The following EXOC4 variants were observed in gnomAD, a reference collection of about 807,000 sequenced individuals.
EXOC4 encodes SEC8-like 1.
EXOC4 carries 71 observed loss-of-function variants against 107.2 expected under a neutral mutation model. The ratio of observed to expected loss-of-function variants is 0.66; its 90% CI spans 0.55 to 0.81. The LOEUF (loss-of-function observed/expected upper bound fraction) is 0.81. Ranked by LOEUF, EXOC4 falls within the 30% of genes least tolerant of loss-of-function variation. The probability of loss-of-function intolerance (pLI) is 0.00; values close to 1 mark genes in which losing one functional copy is unlikely to be tolerated. For synonymous variants in EXOC4, 456 were observed against 441.2 expected, an observed-to-expected ratio of 1.03 and a Z score of -0.42; for missense variants, 1,108 against 1,189.6, an observed-to-expected ratio of 0.93 and a Z score of 1.01.
Position 134,064,561 on chromosome 7 carries a change from C to T in EXOC4, c.*33C>T, listed in dbSNP as rs761779248. 2.1e-6 allele frequency: 3 copies of T among 1,401,304 alleles called. No homozygotes were observed. The highest frequency in any genetic ancestry group is 2.9e-6 in the Non-Finnish European group (3 of 1,027,362). The allele number at this position is 1,401,304 out of a possible 1,614,324, so 86.8% of individuals were successfully genotyped here. On this transcript the variant is annotated 3_prime_UTR_variant, in exon 18 of 18. Transcript: ENST00000253861. ...TACTGCGGTTGGTGACGGGGGTCCC[C>T]TCAGTCACACTCACTTTTTTCCTTG...
chr7:133,884,125 CTTG>C (rs1402140709), intron 11 of EXOC4, among the ~76,000 whole-genome samples: 2 of 152,204 alleles, frequency 1.3e-5, no homozygotes, highest in African/African-American at 2.4e-5. Flanking sequence ...ACGATTGCTT[CTTG>C]TTGTGCCAAA....
At chr7:133,964,080 G>A (rs1334599100) in intron 14 of EXOC4, among the ~76,000 whole-genome samples, 1 of 152,056 alleles carries the variant, frequency 6.6e-6, no homozygotes, top group South Asian at 2.1e-4. Flanking sequence ...ATTAAAATCT[G>A]CAAAGCTAGT....
Position 133,403,169 on chromosome 7 carries a change from C to T in EXOC4, c.1182+28167C>T, listed in dbSNP as rs573650115. ...AAGTGCTGGGATTGCAGGCGTGAGC[C>T]ATCGTGCCCGGCTGCAAGATCCTAA... On this transcript the variant is annotated intron_variant, in intron 7 of 17. Coordinates refer to ENST00000253861, the MANE Select transcript of EXOC4 (RefSeq NM_021807.4). 7.9e-5 allele frequency among the ~76,000 whole-genome samples: 12 copies of T among 152,332 alleles called. No individual in the cohort carries two copies. The East Asian group carries it at 1.7e-3, about 22-fold the overall frequency.
intron 9 of EXOC4, among the ~76,000 whole-genome samples, chr7:133,537,471 A>T (rs1439334410): frequency 6.6e-6 from 1 of 152,036 alleles, no homozygotes; most frequent in Non-Finnish European, 1.5e-5. Flanking sequence ...ATTTCATACT[A>T]TATAGTTATC....
chr7:134,095,163 T>C, the EXOC4 span, among the ~76,000 whole-genome samples: 2 of 151,852 alleles, frequency 1.3e-5, no homozygotes, highest in African/African-American at 4.8e-5. Flanking sequence ...ACACCAACAA[T>C]ATTCAAGCTG....
intron 7 of EXOC4, among the ~76,000 whole-genome samples, chr7:133,415,257 G>A (rs1448982508): frequency 2.0e-5 from 3 of 152,158 alleles, no homozygotes; most frequent in African/African-American, 7.2e-5. Context: ...AAGTTTTTGT[G>A]TAGACATGTG....
chr7:133,385,422 T>C (rs1796706962), intron 7 of EXOC4, among the ~76,000 whole-genome samples: 1 of 152,234 alleles, frequency 6.6e-6, no homozygotes, highest in Non-Finnish European at 1.5e-5. Flanking sequence ...CATTGTCTAC[T>C]GCTCTTAATT....
chr7:133,825,724 C>T (rs1171898472), intron 11 of EXOC4, among the ~76,000 whole-genome samples: 1 of 152,112 alleles, frequency 6.6e-6, no homozygotes, highest in Non-Finnish European at 1.5e-5. Flanking sequence ...AGTTGTTGCC[C>T]TTCCACTCTG....
intron 1 of EXOC4, among the ~76,000 whole-genome samples, chr7:133,256,792 G>A (rs1795029404): frequency 6.6e-6 from 1 of 152,126 alleles, no homozygotes; most frequent in African/African-American, 2.4e-5. Flanking sequence ...AACTACAGGT[G>A]GATAAGGGTT....
intron 17 of EXOC4, among the ~76,000 whole-genome samples, chr7:134,061,260 A>T (rs926537624): frequency 6.6e-6 from 1 of 152,246 alleles, no homozygotes; most frequent in African/African-American, 2.4e-5. Flanking sequence ...AAGATAAATG[A>T]TAAAAATATC....
chr7:133,694,209 C>T (rs895498171), intron 10 of EXOC4, among the ~76,000 whole-genome samples: 8 of 147,602 alleles, frequency 5.4e-5, no homozygotes, highest in Non-Finnish European at 1.2e-4. Flanking sequence ...TACAGTGAGC[C>T]GAGATCACGC....
intron 17 of EXOC4, among the ~76,000 whole-genome samples, chr7:134,045,376 C>T (rs1795625489): frequency 1.3e-5 from 2 of 152,194 alleles, no homozygotes. Flanking sequence ...AGCCCTGAGA[C>T]ATGACTTTAA....
intron 7 of EXOC4, among the ~76,000 whole-genome samples, chr7:133,406,577 C>A (rs1369041399): frequency 6.6e-6 from 1 of 152,076 alleles, no homozygotes; most frequent in Non-Finnish European, 1.5e-5. Context: ...TTTGCAATTT[C>A]CTTGCTATCT....
intron 10 of EXOC4, among the ~76,000 whole-genome samples, chr7:133,741,151 C>CT (rs1795555714): frequency 6.6e-6 from 1 of 152,120 alleles, no homozygotes; most frequent in South Asian, 2.1e-4. Flanking sequence ...TGACTGTCTA[C>CT]TTTTTTATTT....
chr7:133,708,201 C>T (rs190284677), intron 10 of EXOC4, among the ~76,000 whole-genome samples: 1 of 152,210 alleles, frequency 6.6e-6, no homozygotes, highest in African/African-American at 2.4e-5. Context: ...GTGGTCAATA[C>T]AGAAAAATAG....
intron 10 of EXOC4, among the ~76,000 whole-genome samples, chr7:133,722,848 T>C (rs1239056159): frequency 6.6e-6 from 1 of 152,224 alleles, no homozygotes; most frequent in East Asian, 1.9e-4. Context: ...GCTTCACAGA[T>C]TGGATTATTG....
chr7:133,723,192 G>A (rs565889595), intron 10 of EXOC4, among the ~76,000 whole-genome samples: 11 of 152,196 alleles, frequency 7.2e-5, no homozygotes, highest in Non-Finnish European at 1.3e-4. Flanking sequence ...AATAAAAAGT[G>A]TTACAAGGGG....
At chr7:133,269,900 A>G (rs1793824438) in intron 1 of EXOC4, among the ~76,000 whole-genome samples, 1 of 152,164 alleles carries the variant, frequency 6.6e-6, no homozygotes. Context: ...TGCCTTGAAT[A>G]AAAAACTCCA....
the EXOC4 span, among the ~76,000 whole-genome samples, chr7:134,080,033 T>C: frequency 6.6e-6 from 1 of 152,272 alleles, no homozygotes; most frequent in South Asian, 2.1e-4. Context: ...TACCAGCCCA[T>C]AGCTTATTAA....
Sources: allele counts gnomAD v4.1 joint callset (sites outside exome capture counted in the v4.1 genomes callset), GRCh38; gene constraint gnomAD v4.1.1; transcripts MANE v1.5; gene names NCBI Gene and HGNC (gene_info 2026-07-23, HGNC 2026-07-21).